MTOR: variants seen among roughly 807,000 people sequenced by gnomAD.
MTOR encodes the protein serine/threonine-protein kinase mTOR.
A neutral mutation model predicts 319.8 loss-of-function variants in MTOR; 70 were observed. That is an observed-to-expected ratio of 0.22 (90% CI 0.18 to 0.27). The LOEUF (loss-of-function observed/expected upper bound fraction) is 0.27. MTOR is among the 10% of genes least tolerant of loss of function. The pLI, the probability that MTOR is intolerant of heterozygous loss-of-function variation, is 1.00. For missense variants in MTOR, 1,890 were observed against 3,274.4 expected (o/e 0.58, Z 10.32); for synonymous variants, 1,183 against 1,211.4 (o/e 0.98, Z 0.49).
rs1642929241 is a variant in MTOR at position 11,128,031 on chromosome 1, G to A, written c.6006C>T (p.Ser2002=). ...TCATGGCCTGCTGGACCAGGGTGTT[G>A]CTGTGCTCACACATGTTCTTCAGAA... ...NKILKNMCEH[S]NTLVQQAMMV... Residue 2002 remains serine, a synonymous_variant, in exon 43 of 58, where the codon AGC becomes AGT. Transcript: ENST00000361445. The surrounding 1 kb of genome is among the most constrained non-coding windows in gnomAD (Gnocchi z 5.3). 2 of 1,614,144 alleles carry A rather than the reference G, an allele frequency of 1.2e-6. No homozygotes were observed.
intron 52 of MTOR, 157 bp downstream of exon 52, chr1:11,114,656 G>C: frequency 1.0e-6 from 1 of 1,004,448 alleles, no homozygotes; most frequent in Admixed American, 2.5e-5. Context: ...GCCTTTCATA[G>C]ATAGGTCATT....
chr1:11,211,113 C>T (rs1304719133), intron 23 of MTOR, among the ~76,000 whole-genome samples: 1 of 152,214 alleles, frequency 6.6e-6, no homozygotes, highest in Non-Finnish European at 1.5e-5. Context: ...GGCCTCTTAA[C>T]AGATCTTTGC....
chr1:11,212,855 T>C lies in MTOR; in HGVS notation c.3339A>G (p.Leu1113=), dbSNP rs1325348844. 5 of 1,613,976 alleles carry C rather than the reference T, an allele frequency of 3.1e-6. No individual in the cohort carries two copies. The highest frequency in any genetic ancestry group is 4.2e-6 in the Non-Finnish European group (5 of 1,179,992). Residue 1113 remains leucine, a synonymous_variant, in exon 22 of 58, where the codon TTA becomes TTG. Transcript: ENST00000361445. This position sits in a 1 kb window ranked among gnomAD's most constrained non-coding sequence, Gnocchi z 4.1. ...ACAACTTAACAATAGGAGGCAGCAGTAAATGCAGGTAGTCATCCAGGTTGG... is the reference window on the plus strand; with the variant it reads ...ACAACTTAACAATAGGAGGCAGCAGCAAATGCAGGTAGTCATCCAGGTTGG... ...FGANLDDYLH[L]LLPPIVKLFD...
At chr1:11,122,160 G>C (rs1307142859) in intron 47 of MTOR, 34 bp from the exon 48 acceptor site, 1 of 1,612,952 alleles carries the variant, frequency 6.2e-7, no homozygotes, top group Non-Finnish European at 8.5e-7. Context: ...TTAGTGTACC[G>C]TAAAGAGAGT....
intron 34 of MTOR, among the ~76,000 whole-genome samples, chr1:11,140,340 G>T (rs947087845): frequency 6.6e-6 from 1 of 151,906 alleles, no homozygotes; most frequent in East Asian, 1.9e-4. Context: ...GTTTTCAGAT[G>T]ATCATCAGGC....
chr1:11,215,175 T>C (rs928324832), intron 20 of MTOR, among the ~76,000 whole-genome samples: 6 of 152,202 alleles, frequency 3.9e-5, no homozygotes, highest in African/African-American at 1.4e-4. Flanking sequence ...TTTAGCCTTC[T>C]TGGGGGGATT....
intron 46 of MTOR, among the ~76,000 whole-genome samples, chr1:11,126,041 CAAAAAAAAAAAA>C (rs757246303): frequency 7.1e-5 from 2 of 28,328 alleles, no homozygotes; most frequent in African/African-American, 1.2e-4. Flanking sequence ...AACTCTGGCT[CAAAAAAAAAAAA>C]AAAAAAAAAA....
intron 28 of MTOR, among the ~76,000 whole-genome samples, chr1:11,179,428 T>C (rs1645079636): frequency 6.6e-6 from 1 of 152,260 alleles, no homozygotes. Context: ...GTCTGAAGGA[T>C]AAGCTAGCTT....
chr1:11,218,671 A>G (rs1193148849), intron 19 of MTOR, among the ~76,000 whole-genome samples: 1 of 152,142 alleles, frequency 6.6e-6, no homozygotes, highest in African/African-American at 2.4e-5. Context: ...TGGCTTATTC[A>G]TAAGGAGTAG....
chr1:11,191,319 C>T (rs776432294), intron 28 of MTOR, among the ~76,000 whole-genome samples: 6 of 152,158 alleles, frequency 3.9e-5, no homozygotes, highest in Non-Finnish European at 5.9e-5. Flanking sequence ...GGTGCTTTCA[C>T]CACTAAGACG....
At chr1:11,219,877 A>T (rs1044383408) in intron 19 of MTOR, among the ~76,000 whole-genome samples, 8 of 151,464 alleles carry the variant, frequency 5.3e-5, no homozygotes, top group African/African-American at 1.9e-4. Context: ...TGCAAAAAAC[A>T]AAAAAAATTA....
chr1:11,214,621 A>G lies in MTOR; in HGVS notation c.3118-1055T>C, dbSNP rs575415153. ...CTCAGATGAAAGGCTTTATAAAAAG[A>G]TATAGTATTTTTATTTAAAAAGGTA... On this transcript the variant is annotated intron_variant, in intron 20 of 57. Coordinates refer to ENST00000361445, the MANE Select transcript of MTOR (RefSeq NM_004958.4). Among the ~76,000 whole-genome samples, 86 of 152,344 alleles carry G rather than the reference A, an allele frequency of 5.6e-4. 1 individual carries two copies. The highest frequency in any genetic ancestry group is 2.0e-3 in the African/African-American group (83 of 41,580).
At chr1:11,209,045 G>C (rs1443536837) in intron 25 of MTOR, among the ~76,000 whole-genome samples, 1 of 152,196 alleles carries the variant, frequency 6.6e-6, no homozygotes, top group African/African-American at 2.4e-5. Flanking sequence ...TGTAAAAAAT[G>C]AGAATGTATT....
rs372100181 is a variant in MTOR, at chr1:11,111,017, C to G, written c.7367-1288G>C. On this transcript the variant is annotated intron_variant, in intron 54 of 57. Transcript: ENST00000361445. ...AGCACACTTCGTTTGAGACCAGCCACCAGTATAAGCTCCCCCAGAGACTGT... is the reference window on the plus strand; with the variant it reads ...AGCACACTTCGTTTGAGACCAGCCAGCAGTATAAGCTCCCCCAGAGACTGT... 385 of 417,312 alleles carry G rather than the reference C, an allele frequency of 9.2e-4. 9 individuals carry two copies. Among genetic ancestry groups the G allele is most frequent in the South Asian group, 5.9e-3 (339 of 57,720 alleles). 25.9% of individuals were successfully genotyped at this position (417,312 alleles called of 1,614,324 possible).
Position 11,215,996 on chromosome 1 carries a change from C to T in MTOR, c.3117+152G>A, listed in dbSNP as rs147196794. On this transcript the variant is annotated intron_variant, in intron 20 of 57. Coordinates refer to ENST00000361445, the MANE Select transcript of MTOR (RefSeq NM_004958.4). ...CCTGGAGCAACAGCCCTTCCTCCCC[C>T]TCAAAATCCAGTGGGCTTTGTTCCA... 2.4e-3 allele frequency: 1,143 copies of T among 479,526 alleles called. 19 individuals carry two copies. The East Asian group carries it at 0.031, about 13-fold the overall frequency. 29.7% of individuals were successfully genotyped at this position (479,526 alleles called of 1,614,324 possible).
rs1420274633 is a variant in MTOR at position 11,150,156 on chromosome 1, G to A, written c.4540C>T (p.Arg1514Trp). The A allele has an allele frequency of 2.5e-6, 4 of 1,613,874 alleles. No individual in the cohort carries two copies. The highest frequency in any genetic ancestry group is 3.4e-6 in the Non-Finnish European group (4 of 1,179,994). ...VNDETQAKMA[R>W]MAAAAAWGLG... is the part of the protein sequence containing the mutation. ...CCCCATGCAGCTGCAGCAGCCATCC[G>A]GGCCATCTTGGCTTGGGTCTCATCA... The change falls in exon 31 of 58, where the codon CGG (arginine) becomes TGG (tryptophan). Residue 1514 changes from arginine to tryptophan, a missense_variant. Arg to Trp is a moderately radical substitution (Grantham distance 101). Around this residue, in one of 15 missense-constraint regions of MTOR, gnomAD observed 276 missense variants for 459.4 expected, o/e 0.60. Transcript: ENST00000361445.
chr1:11,198,779 T>A (rs1464097745), intron 28 of MTOR, among the ~76,000 whole-genome samples: 1 of 152,150 alleles, frequency 6.6e-6, no homozygotes, highest in African/African-American at 2.4e-5. Flanking sequence ...AAAAGACCAT[T>A]AGATTTCAGA....
At chr1:11,224,162 A>G (rs1347918103) in intron 19 of MTOR, among the ~76,000 whole-genome samples, 1 of 152,116 alleles carries the variant, frequency 6.6e-6, no homozygotes, top group Admixed American at 6.5e-5. Flanking sequence ...ACATTTTTAA[A>G]TTGGATTAAA....
chr1:11,235,950 C>G (rs2100889295), intron 13 of MTOR, among the ~76,000 whole-genome samples: 1 of 151,872 alleles, frequency 6.6e-6, no homozygotes. Context: ...CTACTGCACT[C>G]CAGCCTGGCG....
Sources: allele counts gnomAD v4.1 joint callset (sites outside exome capture counted in the v4.1 genomes callset), GRCh38; gene constraint gnomAD v4.1.1; regional missense constraint gnomAD v4.1.1; non-coding constraint Gnocchi (gnomAD v3.1); transcripts MANE v1.5; gene names NCBI Gene and HGNC (gene_info 2026-07-23, HGNC 2026-07-21).